ITPR2: variants seen among roughly 807,000 people sequenced by gnomAD.
ITPR2 encodes inositol 1,4,5-trisphosphate-gated calcium channel ITPR2.
Under a neutral mutation model 317.1 loss-of-function variants are expected in ITPR2, and 207 were observed. The observed-to-expected ratio is 0.65, with a 90% CI of 0.58 to 0.73. The LOEUF is 0.73. Ranked by LOEUF, ITPR2 falls within the 30% of genes least tolerant of loss-of-function variation. ITPR2 has a pLI of 0.00. For synonymous variants in ITPR2, 1,156 were observed against 1,149.1 expected (o/e 1.01, Z -0.12); for missense variants, 2,613 against 3,284.0 (o/e 0.80, Z 4.99).
intron 52 of ITPR2, among the ~76,000 whole-genome samples, chr12:26,409,347 A>C (rs573853452): frequency 8.5e-5 from 13 of 152,238 alleles, no homozygotes; most frequent in Non-Finnish European, 1.6e-4. Flanking sequence ...CCTTTGAAAA[A>C]AGATAGAGCA....
chr12:26,411,336 A>C lies in ITPR2; in HGVS notation c.7383T>G (p.Ile2461Met). The C allele has an allele frequency of 6.2e-7, 1 of 1,613,296 alleles. No individual in the cohort carries two copies. Residue 2461 changes from isoleucine to methionine, a missense_variant, in exon 52 of 57, where the codon ATT becomes ATG. By Grantham distance (10) the Ile-to-Met change is conservative. Around this residue, in one of 9 missense-constraint regions of ITPR2, gnomAD observed 113 missense variants for 129.2 expected, o/e 0.87. Coordinates refer to ENST00000381340, the MANE Select transcript of ITPR2 (RefSeq NM_002223.4). ...TCTACAAACCTGTATTTGAAGCTGGAATTGTGGGTGAACAGTTCTCCTTGG... is the reference window on the plus strand; with the variant it reads ...TCTACAAACCTGTATTTGAAGCTGGCATTGTGGGTGAACAGTTCTCCTTGG... The part of the protein sequence containing the change: ...ACAKENCSPT[I>M]PASNTADEEY...
At position 26,608,729 on chromosome 12, in the gene ITPR2, G is replaced by A. The variant is rs370997317; in HGVS notation, c.3463-6023C>T. Reference sequence around the variant, plus strand: ...AGTGTGTGAAGTGGCAGCCTTGTGTGTGATCTTTCTGCGCTCCCCAAGTTT... The same window carrying A: ...AGTGTGTGAAGTGGCAGCCTTGTGTATGATCTTTCTGCGCTCCCCAAGTTT... On this transcript the variant is annotated intron_variant, in intron 26 of 56. Transcript: ENST00000381340. 2.4e-4 allele frequency among the ~76,000 whole-genome samples: 36 copies of A among 151,210 alleles called. No individual in the cohort carries two copies. In the East Asian group the frequency reaches 2.9e-3, roughly 12 times the overall value.
rs965002282 is a variant in ITPR2, at chr12:26,631,700, C to T, written c.2934+166G>A. The stretch of plus-strand genomic sequence containing the variant: ...CAAATGTGATTCATATGTTAAATAG[C>T]GTCTGTGTGATATTTTTTACCAGGT... On this transcript the variant is annotated intron_variant, in intron 22 of 56. Transcript: ENST00000381340. Among the ~76,000 whole-genome samples the T allele has an allele frequency of 2.6e-5, 4 of 151,988 alleles. No homozygotes were observed. In the East Asian group the frequency reaches 5.8e-4, roughly 22 times the overall value.
chr12:26,367,005 C>G (rs1939033102), intron 55 of ITPR2, among the ~76,000 whole-genome samples: 1 of 152,124 alleles, frequency 6.6e-6, no homozygotes, highest in African/African-American at 2.4e-5. Context: ...CTCCCAAATT[C>G]TCAAGAATAC....
At chr12:26,637,314 A>G (rs1946884874) in intron 21 of ITPR2, among the ~76,000 whole-genome samples, 1 of 152,310 alleles carries the variant, frequency 6.6e-6, no homozygotes, top group African/African-American at 2.4e-5. Context: ...AATTAAGAAC[A>G]AGTACAAGAC....
chr12:26,592,454 G>A (rs930572875), intron 32 of ITPR2, among the ~76,000 whole-genome samples: 1 of 152,156 alleles, frequency 6.6e-6, no homozygotes, highest in African/African-American at 2.4e-5. Flanking sequence ...TTCAGGTGAT[G>A]GATATCCCAT....
intron 37 of ITPR2, among the ~76,000 whole-genome samples, chr12:26,535,570 T>C (rs1944067187): frequency 6.6e-6 from 1 of 152,206 alleles, no homozygotes; most frequent in African/African-American, 2.4e-5. Flanking sequence ...GAAGAAACAG[T>C]TATCTACCTT....
intron 1 of ITPR2, among the ~76,000 whole-genome samples, chr12:26,832,178 G>A (rs1215664379): frequency 1.3e-5 from 2 of 152,144 alleles, no homozygotes; most frequent in African/African-American, 2.4e-5. Flanking sequence ...AGAGGGGACG[G>A]TGAGCTCCTC....
At position 26,832,831 on chromosome 12, in the gene ITPR2, C is replaced by T. The variant is rs535980952; in HGVS notation, c.-50G>A. 7 of 1,427,982 alleles carry T rather than the reference C, an allele frequency of 4.9e-6. No homozygotes were observed. In the Admixed American group the frequency reaches 1.0e-4, roughly 21 times the overall value. 88.5% of individuals were successfully genotyped at this position (1,427,982 alleles called of 1,614,324 possible). ...GTCCCTCTTCTTCCCTGCGCCCTCG[C>T]CGCCCTCTCTCCAGGGAGCCGCCGC... On this transcript the variant is annotated 5_prime_UTR_variant, in exon 1 of 57. Transcript: ENST00000381340.
intron 21 of ITPR2, among the ~76,000 whole-genome samples, chr12:26,648,493 G>A (rs570718200): frequency 6.8e-6 from 1 of 147,808 alleles, no homozygotes; most frequent in South Asian, 2.1e-4. Context: ...TAGCAACAAT[G>A]TTTATAAAAC....
chr12:26,775,955 T>TATATACATAC (rs1949958798), intron 2 of ITPR2, among the ~76,000 whole-genome samples: 1 of 148,000 alleles, frequency 6.8e-6, no homozygotes, highest in Non-Finnish European at 1.5e-5. Context: ...TATGTATATG[T>TATATACATAC]ATATCCTATT....
At chr12:26,698,062 A>G (rs1384128589) in intron 9 of ITPR2, among the ~76,000 whole-genome samples, 1 of 152,204 alleles carries the variant, frequency 6.6e-6, no homozygotes, top group East Asian at 1.9e-4. Context: ...GAGAAGAGAC[A>G]ACCAACTAAT....
intron 2 of ITPR2, among the ~76,000 whole-genome samples, chr12:26,756,594 C>T (rs763720809): frequency 2.0e-5 from 3 of 152,158 alleles, no homozygotes; most frequent in African/African-American, 2.4e-5. Flanking sequence ...TGCCTCTTGT[C>T]GGAACTCAAG....
At chr12:26,643,467 T>G (rs1465926535) in intron 21 of ITPR2, among the ~76,000 whole-genome samples, 1 of 152,178 alleles carries the variant, frequency 6.6e-6, no homozygotes, top group Non-Finnish European at 1.5e-5. Context: ...CTGTGAAGTC[T>G]CAGAGGAGAG....
At chr12:26,356,169 C>G (rs1037079397) in intron 55 of ITPR2, among the ~76,000 whole-genome samples, 1 of 152,138 alleles carries the variant, frequency 6.6e-6, no homozygotes, top group Non-Finnish European at 1.5e-5. Flanking sequence ...GGAACTGGAC[C>G]CAGTACAGGG....
At chr12:26,370,965 G>A (rs912723831) in intron 55 of ITPR2, among the ~76,000 whole-genome samples, 4 of 152,194 alleles carry the variant, frequency 2.6e-5, no homozygotes, top group African/African-American at 4.8e-5. Flanking sequence ...GAGCCACTGC[G>A]TCCGGCCAAA....
chr12:26,403,080 G>C lies in ITPR2; in HGVS notation c.7400-2822C>G, dbSNP rs1019037653. Among the ~76,000 whole-genome samples the C allele has an allele frequency of 2.0e-5, 3 of 152,178 alleles. No individual in the cohort carries two copies. In the East Asian group the frequency reaches 5.8e-4, roughly 29 times the overall value. ...GATGAGGGCTTCAGTATCCTGAAGG[G>C]GGTATCACCTGAGTTGGATTTTGAA... On this transcript the variant is annotated intron_variant, in intron 52 of 56. Coordinates refer to ENST00000381340, the MANE Select transcript of ITPR2 (RefSeq NM_002223.4).
chr12:26,387,297 GTGA>G, intron 55 of ITPR2, 134 bp downstream of exon 55: 1 of 808,328 alleles, frequency 1.2e-6, no homozygotes. Context: ...ATGTTCTTCA[GTGA>G]TTGACAGGCC....
chr12:26,661,667 A>T (rs1177956494), intron 15 of ITPR2, among the ~76,000 whole-genome samples: 3 of 152,100 alleles, frequency 2.0e-5, no homozygotes, highest in Admixed American at 2.0e-4. Context: ...GTCAATCTCT[A>T]TAATACAGCA....
Sources: gnomAD v4.1 joint callset for allele counts (sites outside exome capture counted in the v4.1 genomes callset) on GRCh38, gnomAD v4.1.1 for gene constraint, gnomAD v4.1.1 regional missense constraint, MANE v1.5 for transcripts, NCBI Gene and HGNC (gene_info 2026-07-23, HGNC 2026-07-21) for gene names.